Variants in CTNNAL1 observed in about 807,000 individuals in gnomAD.
CTNNAL1 encodes catenin alpha like 1.
Under a neutral mutation model 93.6 loss-of-function variants are expected in CTNNAL1, and 69 were observed. The ratio of observed to expected loss-of-function variants is 0.74; its 90% CI spans 0.61 to 0.90. The LOEUF (loss-of-function observed/expected upper bound fraction) is 0.90. CTNNAL1 is among the 40% of genes least tolerant of loss of function. The pLI is 0.00. For synonymous variants in CTNNAL1, 286 were observed against 305.4 expected (o/e 0.94, Z 0.66); for missense variants, 836 against 862.0 (o/e 0.97, Z 0.38).
intron 8 of CTNNAL1, 30 bp from the exon 9 acceptor site, chr9:108,972,863 G>GCCCCCCCCCC: frequency 6.5e-5 from 15 of 231,642 alleles, no homozygotes; most frequent in Middle Eastern, 1.3e-3. Flanking sequence ...TGGGGGGGTG[G>GCCCCCCCCCC]GAGGGTGGAG....
intron 1 of CTNNAL1, 26 bp downstream of exon 1, chr9:109,013,276 A>T (rs1348286148): frequency 6.8e-6 from 10 of 1,473,674 alleles, no homozygotes; most frequent in Non-Finnish European, 9.0e-6. Context: ...GAAGGAGAAG[A>T]GGGGCCGCGC....
chr9:108,973,996 C>T (rs1564133466), intron 8 of CTNNAL1, among the ~76,000 whole-genome samples: 1 of 152,174 alleles, frequency 6.6e-6, no homozygotes. Flanking sequence ...ACCAGCAGGA[C>T]CTTAGAGAAT....
At chr9:108,960,523 G>A (rs1427381659) in intron 11 of CTNNAL1, among the ~76,000 whole-genome samples, 1 of 152,158 alleles carries the variant, frequency 6.6e-6, no homozygotes, top group African/African-American at 2.4e-5. Flanking sequence ...CCAGGAAAAT[G>A]AGAAAAGTAG....
chr9:108,951,759 A>G (rs1830571515), intron 14 of CTNNAL1, among the ~76,000 whole-genome samples: 1 of 152,246 alleles, frequency 6.6e-6, no homozygotes, highest in Non-Finnish European at 1.5e-5. Flanking sequence ...GGAATTCTCT[A>G]CATAATGAAT....
chr9:109,001,381 G>C lies in CTNNAL1; in HGVS notation c.142-2125C>G, dbSNP rs74789489. Among the ~76,000 whole-genome samples the C allele has an allele frequency of 1.4e-3, 207 of 152,138 alleles. 3 individuals are homozygous for C. The highest frequency in any genetic ancestry group is 3.1e-3 in the South Asian group (15 of 4,826). The stretch of plus-strand genomic sequence containing the variant: ...AGGAAAGTGATATAATCTCTGTAGT[G>C]GTTTTAAAACATGTCCACAAATTCT... On this transcript the variant is annotated intron_variant, in intron 1 of 18. Transcript: ENST00000325551.
intron 15 of CTNNAL1, among the ~76,000 whole-genome samples, chr9:108,945,664 A>C (rs1830383235): frequency 6.7e-6 from 1 of 150,346 alleles, no homozygotes; most frequent in South Asian, 2.1e-4. Flanking sequence ...TTGTAGAGAC[A>C]AGGTCTCACT....
At position 108,990,719 on chromosome 9, in the gene CTNNAL1, T is replaced by C. The variant is rs1305594085; in HGVS notation, c.639+7A>G. On this transcript the variant is annotated splice_region_variant and intron_variant, in intron 4 of 18. Coordinates refer to ENST00000325551, the MANE Select transcript of CTNNAL1 (RefSeq NM_003798.4). ...TCTGAAGATTGTAAAATGTGATGAA[T>C]ACATACATTTTGTCTATCTCCACTC... The C allele has an allele frequency of 6.2e-7, 1 of 1,609,972 alleles. No individual in the cohort carries two copies. The highest frequency in any genetic ancestry group is 2.2e-5 in the East Asian group (1 of 44,802).
intron 2 of CTNNAL1, among the ~76,000 whole-genome samples, chr9:108,997,743 C>T (rs1318736468): frequency 6.6e-6 from 1 of 152,174 alleles, no homozygotes; most frequent in Non-Finnish European, 1.5e-5. Flanking sequence ...CTATCACATC[C>T]AAACCATCAG....
intron 1 of CTNNAL1, among the ~76,000 whole-genome samples, chr9:109,000,590 G>C (rs1200804067): frequency 2.0e-5 from 3 of 151,910 alleles, no homozygotes. Flanking sequence ...GAAATTGACT[G>C]GTCTTCCTTC....
At chr9:108,952,164 A>G (rs1166021099) in intron 14 of CTNNAL1, 45 bp downstream of exon 14, 3 of 1,500,808 alleles carry the variant, frequency 2.0e-6, no homozygotes, top group Non-Finnish European at 2.7e-6. Flanking sequence ...TTTACACCAG[A>G]TATCATTATA....
rs779509800 is a variant in CTNNAL1, at chr9:108,984,350, T to G, written c.726A>C (p.Ser242=). Residue 242 remains serine (S), a synonymous_variant, in exon 5 of 19, where the codon TCA becomes TCC. Transcript: ENST00000325551. ...EKCTMMLLTA[S]KTCLRHPNCE... is the part of the protein sequence containing the mutation. ...AGTAAAACCAAAATTGTCTTACCTT[T>G]GAAGCTGTGAGAAGCATCATTGTAC... 1 of 1,595,866 alleles carries G rather than the reference T, an allele frequency of 6.3e-7. No homozygotes were observed. The highest frequency in any genetic ancestry group is 1.7e-5 in the Admixed American group (1 of 59,328).
At chr9:109,006,702 T>C (rs1827037699) in intron 1 of CTNNAL1, among the ~76,000 whole-genome samples, 1 of 152,212 alleles carries the variant, frequency 6.6e-6, no homozygotes, top group African/African-American at 2.4e-5. Flanking sequence ...TCTGGTGTAC[T>C]AAAGAACTCT....
At chr9:108,958,069 A>AAAAAAAAAAAC (rs1830729999) in intron 11 of CTNNAL1, among the ~76,000 whole-genome samples, 1 of 151,044 alleles carries the variant, frequency 6.6e-6, no homozygotes, top group Non-Finnish European at 1.5e-5. Context: ...GTCTCAAAAA[A>AAAAAAAAAAAC]AAAAAAAAAA....
At chr9:109,003,574 A>C (rs1178373532) in intron 1 of CTNNAL1, among the ~76,000 whole-genome samples, 1 of 152,224 alleles carries the variant, frequency 6.6e-6, no homozygotes, top group Non-Finnish European at 1.5e-5. Context: ...ACATTTGCCC[A>C]GGAGGAGTTC....
At chr9:109,000,422 G>A (rs1826760316) in intron 1 of CTNNAL1, among the ~76,000 whole-genome samples, 1 of 152,082 alleles carries the variant, frequency 6.6e-6, no homozygotes, top group East Asian at 1.9e-4. Context: ...CAATCAACAA[G>A]AAAGAAAAGC....
At chr9:108,995,081 C>T (rs1285101346) in intron 2 of CTNNAL1, among the ~76,000 whole-genome samples, 1 of 152,144 alleles carries the variant, frequency 6.6e-6, no homozygotes, top group Non-Finnish European at 1.5e-5. Flanking sequence ...TGATTGGTGC[C>T]CTCTCAAAAA....
In CTNNAL1 at chr9:108,952,554, T is replaced by C. The variant is rs1830593019; in HGVS notation, c.1630-60A>G. 7 of 1,592,238 alleles carry C rather than the reference T, an allele frequency of 4.4e-6. No homozygotes were observed. The South Asian group carries it at 7.8e-5, about 18-fold the overall frequency. On this transcript the variant is annotated intron_variant, in intron 12 of 18. Transcript: ENST00000325551. ...AGCAGTACATTAAACTGTAAGGAAA[T>C]ACAATAGTAATACAAAGCATAACAA...
Position 109,003,804 on chromosome 9 carries a change from G to A in CTNNAL1, c.142-4548C>T, listed in dbSNP as rs578029909. 6.8e-4 allele frequency among the ~76,000 whole-genome samples: 103 copies of A among 152,320 alleles called. 3 individuals carry two copies. The South Asian group carries it at 0.021, about 31-fold the overall frequency. ...CCAACATCATGGATTTCCAGCTGAT[G>A]TTGTGACTTTGGAGAGGATATGGAT... On this transcript the variant is annotated intron_variant, in intron 1 of 18. Coordinates refer to ENST00000325551, the MANE Select transcript of CTNNAL1 (RefSeq NM_003798.4).
At chr9:108,948,647 T>C (rs1830472894) in intron 14 of CTNNAL1, among the ~76,000 whole-genome samples, 1 of 152,232 alleles carries the variant, frequency 6.6e-6, no homozygotes, top group Non-Finnish European at 1.5e-5. Flanking sequence ...ATTCTGGTAG[T>C]AACTCAGTTA....
Sources: allele counts gnomAD v4.1 joint callset (sites outside exome capture counted in the v4.1 genomes callset), GRCh38; gene constraint gnomAD v4.1.1; transcripts MANE v1.5; gene names NCBI Gene and HGNC (gene_info 2026-07-23, HGNC 2026-07-21).